ARFGAP1: variants seen among roughly 807,000 people sequenced by gnomAD.
The protein encoded by ARFGAP1 is ADP-ribosylation factor GTPase-activating protein 1.
A neutral mutation model predicts 54.0 loss-of-function variants in ARFGAP1; 26 were observed. That is an observed-to-expected ratio of 0.48 (90% CI 0.35 to 0.67). The LOEUF (loss-of-function observed/expected upper bound fraction) is 0.67. ARFGAP1 is among the 30% of genes least tolerant of loss of function. The pLI is 0.00. For synonymous variants in ARFGAP1, 248 were observed against 211.9 expected, an observed-to-expected ratio of 1.17 and a Z score of -1.48; for missense variants, 525 against 535.8, an observed-to-expected ratio of 0.98 and a Z score of 0.20.
chr20:63,285,859 C>A, intron 11 of ARFGAP1, 146 bp downstream of exon 11: 1 of 1,431,832 alleles, frequency 7.0e-7, no homozygotes, highest in South Asian at 1.3e-5. Flanking sequence ...GAGAGCTGCC[C>A]AGCCTGACAG....
intron 12 of ARFGAP1, 87 bp from the exon 13 acceptor site, chr20:63,287,477 C>T (rs1244993305): frequency 7.6e-7 from 1 of 1,318,108 alleles, no homozygotes; most frequent in African/African-American, 1.5e-5. Context: ...CGGTCACTGT[C>T]CAGGTGCAGA....
At chr20:63,285,054 C>A in intron 10 of ARFGAP1, 132 bp downstream of exon 10, 1 of 1,083,274 alleles carries the variant, frequency 9.2e-7, no homozygotes, top group Non-Finnish European at 1.4e-6. Context: ...CCCCACCTCT[C>A]CAGCACAGGC....
Position 63,275,281 on chromosome 20 carries a change from G to A in ARFGAP1, c.-4-296G>A, listed in dbSNP as rs569971655. Among the ~76,000 whole-genome samples, 4 of 152,322 alleles carry A rather than the reference G, an allele frequency of 2.6e-5. No individual in the cohort carries two copies. The South Asian group carries it at 8.3e-4, about 32-fold the overall frequency. On this transcript the variant is annotated intron_variant, in intron 1 of 12. Coordinates refer to ENST00000370283, the MANE Select transcript of ARFGAP1 (RefSeq NM_018209.4). ...TTAGAAGACAGGACTTTTTATAACT[G>A]GTGCAGTCTTGGTGATGAATAAGCT...
intron 7 of ARFGAP1, among the ~76,000 whole-genome samples, chr20:63,280,089 C>T (rs983882794): frequency 1.3e-5 from 2 of 152,154 alleles, no homozygotes; most frequent in African/African-American, 4.8e-5. Flanking sequence ...TTGCAGAGAG[C>T]CGAGACAGCA....
intron 10 of ARFGAP1, 144 bp downstream of exon 10, chr20:63,285,066 T>G (rs1410500693): frequency 2.0e-6 from 2 of 1,014,706 alleles, no homozygotes; most frequent in African/African-American, 1.6e-5. Flanking sequence ...AGCACAGGCG[T>G]CCTCCTCGGG....
chr20:63,287,791 G>T lies in ARFGAP1; in HGVS notation c.1139G>T (p.Gly380Val). ...ACCAACAGGAACAGCAACAGCGACG[G>T]CGGGGAGGGCGGGGAGGGCACCAAG... Reference protein sequence around the residue: ...ASTNRNSNSDGGEGGEGTKKA... With the variant: ...ASTNRNSNSDVGEGGEGTKKA... Residue 380 changes from glycine to valine, a missense_variant, in exon 13 of 13, where the codon GGC becomes GTC. Coordinates refer to ENST00000370283, the MANE Select transcript of ARFGAP1 (RefSeq NM_018209.4). The T allele has an allele frequency of 6.3e-7, 1 of 1,595,476 alleles. No individual in the cohort carries two copies. The highest frequency in any genetic ancestry group is 8.5e-7 in the Non-Finnish European group (1 of 1,171,826).
intron 7 of ARFGAP1, among the ~76,000 whole-genome samples, chr20:63,279,743 C>T (rs1042923763): frequency 6.6e-6 from 1 of 152,214 alleles, no homozygotes; most frequent in Non-Finnish European, 1.5e-5. Flanking sequence ...AGCTCCAGGT[C>T]AGATGTTCAG....
At chr20:63,273,567 C>G (rs1456518697) in intron 1 of ARFGAP1, 1 of 152,232 alleles carries the variant, frequency 6.6e-6, no homozygotes, top group Non-Finnish European at 1.5e-5. Context: ...AACTAGGGCT[C>G]TTGAATATTC....
chr20:63,285,188 C>T (rs2067497009), intron 10 of ARFGAP1, among the ~76,000 whole-genome samples: 1 of 152,160 alleles, frequency 6.6e-6, no homozygotes, highest in Non-Finnish European at 1.5e-5. Flanking sequence ...TGCCTCACCC[C>T]TACAGCTGGC....
chr20:63,287,496 G>A (rs763443698), intron 12 of ARFGAP1, 68 bp from the exon 13 acceptor site: 3 of 1,453,010 alleles, frequency 2.1e-6, no homozygotes, highest in Admixed American at 2.2e-5. Context: ...GAGCTCTCGG[G>A]GGCACAGAAT....
At chr20:63,287,026 T>C (rs2067573437) in intron 12 of ARFGAP1, among the ~76,000 whole-genome samples, 1 of 152,270 alleles carries the variant, frequency 6.6e-6, no homozygotes, top group Non-Finnish European at 1.5e-5. Context: ...GGGCCTGGCC[T>C]TGTGCTGTCT....
Position 63,276,304 on chromosome 20 carries a change from C to T in ARFGAP1, c.170+104C>T. 1.4e-6 allele frequency: 2 copies of T among 1,416,242 alleles called. No individual in the cohort carries two copies. The highest frequency in any genetic ancestry group is 2.3e-5 in the East Asian group (1 of 43,118). The allele number at this position is 1,416,242 out of a possible 1,614,324, so 87.7% of individuals were successfully genotyped here. On this transcript the variant is annotated intron_variant, in intron 3 of 12. Coordinates refer to ENST00000370283, the MANE Select transcript of ARFGAP1 (RefSeq NM_018209.4). The surrounding 1 kb of genome is among the most constrained non-coding windows in gnomAD (Gnocchi z 5.2). ...GCCAGGGAAGCTTGGGGGCCACCTC[C>T]CATTGCATTGCCAGTGTCCACTCTA...
intron 12 of ARFGAP1, among the ~76,000 whole-genome samples, chr20:63,287,221 G>A (rs1302612042): frequency 2.0e-5 from 3 of 152,270 alleles, no homozygotes; most frequent in Admixed American, 2.0e-4. Flanking sequence ...GCTCGGGAGG[G>A]CCTGTGTCCC....
rs772078690 is a variant in ARFGAP1, at chr20:63,287,870, G to T, written c.1218G>T (p.Trp406Cys). 6.5e-7 allele frequency: 1 copy of T among 1,534,168 alleles called. No individual in the cohort carries two copies. Among genetic ancestry groups the T allele is most frequent in the South Asian group, 1.2e-5 (1 of 83,480 alleles). The change falls in exon 13 of 13, where the codon TGG becomes TGT. Residue 406 changes from tryptophan to cysteine, a missense_variant. Around this residue, in one of 3 missense-constraint regions of ARFGAP1, gnomAD observed 466 missense variants for 453.6 expected, o/e 1.03. Coordinates refer to ENST00000370283, the MANE Select transcript of ARFGAP1 (RefSeq NM_018209.4). ...PTDDGWDNQN[W>C] ...ATGATGGCTGGGACAACCAGAACTG[G>T]TAGGGCCCACTGCGCCCCCGTCCCC...
At position 63,276,677 on chromosome 20, in the gene ARFGAP1, G is replaced by GC. The variant is rs1489837177; in HGVS notation, c.342+29dup. The GC allele has an allele frequency of 1.3e-6, 2 of 1,582,338 alleles. No individual in the cohort carries two copies. The highest frequency in any genetic ancestry group is 3.5e-5 in the Admixed American group (2 of 57,674). ...GTAGAGATGGGCCCGATTCACTCTT[G>GC]CCCATGGTGTGGGGCTGCCCTGCCG... is the stretch of plus-strand genomic sequence containing the variant. On this transcript the variant is annotated intron_variant, in intron 4 of 12. Transcript: ENST00000370283. This position sits in a 1 kb window ranked among gnomAD's most constrained non-coding sequence, Gnocchi z 5.2.
chr20:63,286,180 A>G lies in ARFGAP1; in HGVS notation c.835-186A>G, dbSNP rs2063113564. The G allele has an allele frequency of 5.8e-6, 9 of 1,549,640 alleles. No homozygotes were observed. The East Asian group carries it at 2.0e-4, about 34-fold the overall frequency. On this transcript the variant is annotated intron_variant, in intron 11 of 12. Coordinates refer to ENST00000370283, the MANE Select transcript of ARFGAP1 (RefSeq NM_018209.4). ...GTCCTCGCTGCCATGTCCCGCACAC[A>G]CCTGGCACCGCTGCAGAGTGGCCGG...
Position 63,276,756 on chromosome 20 carries a change from G to A in ARFGAP1, c.342+105G>A. 1 of 1,316,330 alleles carries A rather than the reference G, an allele frequency of 7.6e-7. No homozygotes were observed. Among genetic ancestry groups the A allele is most frequent in the Non-Finnish European group, 1.0e-6 (1 of 977,966 alleles). The allele number at this position is 1,316,330 out of a possible 1,614,324, so 81.5% of individuals were successfully genotyped here. A position where few individuals can be genotyped will look rare whatever the true frequency, so the allele number is the denominator to read the frequency against. ...TGGTTCTGGAGTCGGTTCTTCTGCTGGTTCTGACACACCCACTGGGCCACA... is the reference window on the plus strand; with the variant it reads ...TGGTTCTGGAGTCGGTTCTTCTGCTAGTTCTGACACACCCACTGGGCCACA... On this transcript the variant is annotated intron_variant, in intron 4 of 12. Coordinates refer to ENST00000370283, the MANE Select transcript of ARFGAP1 (RefSeq NM_018209.4). The surrounding 1 kb of genome is among the most constrained non-coding windows in gnomAD (Gnocchi z 5.2).
Position 63,286,370 on chromosome 20 carries a change from A to G in ARFGAP1, c.839A>G (p.Gln280Arg). 4 of 1,613,370 alleles carry G rather than the reference A, an allele frequency of 2.5e-6. No homozygotes were observed. Among genetic ancestry groups the G allele is most frequent in the Non-Finnish European group, 3.4e-6 (4 of 1,179,970 alleles). Residue 280 changes from glutamine to arginine, a missense_variant, in exon 12 of 13, where the codon CAG (glutamine) becomes CGG (arginine). Gln to Arg is a conservative substitution (Grantham distance 43). Transcript: ENST00000370283. The part of the protein sequence containing the change: ...SGVSQLASKV[Q>R]GVGSKGWRDV... ...TCTCTTCCCGTCTCCTTCCAGGTCC[A>G]GGGAGTCGGTAGTAAGGGATGGCGG...
At chr20:63,277,971 A>C (rs2067276653) in intron 5 of ARFGAP1, 146 bp from the exon 6 acceptor site, 1 of 669,566 alleles carries the variant, frequency 1.5e-6, no homozygotes, top group Non-Finnish European at 2.6e-6. Context: ...AGCCACTCAG[A>C]GCTGAAGGCC....
Sources: gnomAD v4.1 joint callset for allele counts (sites outside exome capture counted in the v4.1 genomes callset) on GRCh38, gnomAD v4.1.1 for gene constraint, gnomAD v4.1.1 regional missense constraint, Gnocchi (gnomAD v3.1) non-coding constraint, MANE v1.5 for transcripts, NCBI Gene and HGNC (gene_info 2026-07-23, HGNC 2026-07-21) for gene names.